LRRTM4: variants seen among roughly 807,000 people sequenced by gnomAD.
The protein encoded by LRRTM4 is leucine rich repeat transmembrane neuronal 4, also known as leucine-rich repeat transmembrane neuronal protein 4.
A neutral mutation model predicts 47.6 loss-of-function variants in LRRTM4; 25 were observed. That is an observed-to-expected ratio of 0.53 (90% confidence interval 0.38 to 0.73). The LOEUF (loss-of-function observed/expected upper bound fraction) is 0.73, where lower values mean the gene tolerates loss of function less well. LRRTM4 is among the 30% of genes least tolerant of loss of function. The pLI, the probability that LRRTM4 is intolerant of heterozygous loss-of-function variation, is 0.00. For synonymous variants in LRRTM4, 311 were observed against 269.5 expected (o/e 1.15, Z -1.51); for missense variants, 638 against 713.4 (o/e 0.89, Z 1.20).
At position 77,475,385 on chromosome 2, in the gene LRRTM4, C is replaced by T. The variant is rs138843212; in HGVS notation, c.1551+42933G>A. On this transcript the variant is annotated intron_variant, in intron 3 of 3. Transcript: ENST00000409884. ...GATAGCCAGCATTATTTTTATAACT[C>T]ATTTTATATTGCTAGATATCACATT... 7.5e-4 allele frequency among the ~76,000 whole-genome samples: 114 copies of T among 152,106 alleles called. No homozygotes were observed. The East Asian group carries it at 0.017, about 23-fold the overall frequency.
At chr2:77,280,012 C>A (rs1011233694) in intron 3 of LRRTM4, among the ~76,000 whole-genome samples, 13 of 151,980 alleles carry the variant, frequency 8.6e-5, no homozygotes, top group African/African-American at 3.1e-4. Flanking sequence ...TATGACCATG[C>A]TAGTCTGCAT....
chr2:77,142,121 T>A (rs892284140), intron 3 of LRRTM4, among the ~76,000 whole-genome samples: 2 of 152,206 alleles, frequency 1.3e-5, no homozygotes, highest in African/African-American at 4.8e-5. Context: ...TTTTATAGTT[T>A]AGCCACAAGC....
chr2:76,796,131 C>T (rs868318188), intron 3 of LRRTM4, among the ~76,000 whole-genome samples: 10 of 142,250 alleles, frequency 7.0e-5, no homozygotes, highest in African/African-American at 2.3e-4. Flanking sequence ...CGGCACACCA[C>T]AAGATTATAT....
chr2:76,907,562 T>C (rs1198392532), intron 3 of LRRTM4, among the ~76,000 whole-genome samples: 1 of 144,986 alleles, frequency 6.9e-6, no homozygotes, highest in Admixed American at 7.1e-5. Flanking sequence ...GAGCTGGTTT[T>C]TTGAAAGGAT....
chr2:77,164,503 T>C (rs1330066457), intron 3 of LRRTM4, among the ~76,000 whole-genome samples: 3 of 152,170 alleles, frequency 2.0e-5, no homozygotes, highest in Non-Finnish European at 2.9e-5. Flanking sequence ...CAACAGAATA[T>C]ACATTCTTCT....
At chr2:76,794,614 G>C (rs1675166129) in intron 3 of LRRTM4, among the ~76,000 whole-genome samples, 1 of 151,986 alleles carries the variant, frequency 6.6e-6, no homozygotes, top group East Asian at 1.9e-4. Flanking sequence ...TTTTCAAAAA[G>C]CAATAATTTT....
intron 3 of LRRTM4, among the ~76,000 whole-genome samples, chr2:77,236,365 G>A (rs761052821): frequency 1.6e-4 from 25 of 152,006 alleles, no homozygotes; most frequent in Admixed American, 6.6e-4. Flanking sequence ...CATTGATTGT[G>A]TATTCTGATA....
chr2:76,925,163 G>C (rs1448280190), intron 3 of LRRTM4, among the ~76,000 whole-genome samples: 1 of 152,140 alleles, frequency 6.6e-6, no homozygotes, highest in East Asian at 1.9e-4. Flanking sequence ...TTCTGAGTGG[G>C]CTTTACCCAA....
rs139740372 is a variant in LRRTM4, at chr2:76,902,445, G to C, written c.1552-153529C>G. ...CACTTATACTTTAGCAAAAGTTTGT[G>C]TGTCAGGCCACCTTACCATGACCAG... is the stretch of plus-strand genomic sequence containing the variant. On this transcript the variant is annotated intron_variant, in intron 3 of 3. Coordinates refer to ENST00000409884, the MANE Select transcript of LRRTM4 (RefSeq NM_001134745.3). Among the ~76,000 whole-genome samples the C allele has an allele frequency of 4.2e-3, 642 of 152,208 alleles. 1 individual carries two copies. Among genetic ancestry groups the C allele is most frequent in the African/African-American group, 0.015 (621 of 41,530 alleles).
chr2:77,517,752 T>C (rs1679269727), intron 3 of LRRTM4: 1 of 984,572 alleles, frequency 1.0e-6, no homozygotes, highest in Non-Finnish European at 1.2e-6. Context: ...AGTAGGCCTC[T>C]GACATTCTCT....
intron 3 of LRRTM4, among the ~76,000 whole-genome samples, chr2:76,767,622 T>G (rs1033885748): frequency 6.6e-6 from 1 of 152,178 alleles, no homozygotes. Context: ...CAAACAGATT[T>G]TCAGGGTAGC....
At chr2:77,221,419 TAA>T (rs1333023498) in intron 3 of LRRTM4, among the ~76,000 whole-genome samples, 2 of 152,068 alleles carry the variant, frequency 1.3e-5, no homozygotes, top group Non-Finnish European at 2.9e-5. Flanking sequence ...GCAAATTGGA[TAA>T]AGAGTCAAGA....
intron 3 of LRRTM4, among the ~76,000 whole-genome samples, chr2:76,901,084 T>G (rs1373395422): frequency 6.6e-6 from 1 of 152,148 alleles, no homozygotes; most frequent in Non-Finnish European, 1.5e-5. Flanking sequence ...ATGTGCAGGA[T>G]GCGCAGGTTT....
intron 3 of LRRTM4, among the ~76,000 whole-genome samples, chr2:76,850,343 A>G (rs1239589043): frequency 6.6e-6 from 1 of 152,148 alleles, no homozygotes; most frequent in South Asian, 2.1e-4. Context: ...AACGGAAGCA[A>G]TTGTGTGGAA....
intron 3 of LRRTM4, among the ~76,000 whole-genome samples, chr2:77,090,431 C>T (rs1224214797): frequency 6.6e-6 from 1 of 152,164 alleles, no homozygotes; most frequent in Non-Finnish European, 1.5e-5. Flanking sequence ...CTGCTCCCGA[C>T]ATTAAATAAA....
chr2:77,390,669 C>T (rs572162644), intron 3 of LRRTM4, among the ~76,000 whole-genome samples: 58 of 150,794 alleles, frequency 3.8e-4, no homozygotes, highest in Middle Eastern at 3.4e-3. Context: ...ATCTTTAAAA[C>T]GTTAAATAAT....
At chr2:76,974,904 T>C (rs1181079295) in intron 3 of LRRTM4, among the ~76,000 whole-genome samples, 1 of 151,752 alleles carries the variant, frequency 6.6e-6, no homozygotes, top group East Asian at 1.9e-4. Flanking sequence ...CATCTTGGCA[T>C]GTATTTTAAT....
intron 3 of LRRTM4, among the ~76,000 whole-genome samples, chr2:76,885,600 C>G (rs1179462905): frequency 6.6e-6 from 1 of 151,540 alleles, no homozygotes; most frequent in Non-Finnish European, 1.5e-5. Flanking sequence ...GTAGCTGGGA[C>G]CGCAAGCGCC....
intron 3 of LRRTM4, among the ~76,000 whole-genome samples, chr2:76,832,145 T>C (rs541955721): frequency 6.6e-6 from 1 of 152,258 alleles, no homozygotes; most frequent in Non-Finnish European, 1.5e-5. Flanking sequence ...TTAGTTTTGA[T>C]ACTTAGAGAT....
Sources: gnomAD v4.1 joint callset for allele counts (sites outside exome capture counted in the v4.1 genomes callset) on GRCh38, gnomAD v4.1.1 for gene constraint, MANE v1.5 for transcripts, NCBI Gene and HGNC (gene_info 2026-07-23, HGNC 2026-07-21) for gene names.